Variants in PPP2R5B observed in about 807,000 individuals in gnomAD.
PPP2R5B encodes the protein protein phosphatase 2 regulatory subunit B'beta, also known as serine/threonine-protein phosphatase 2A 56 kDa regulatory subunit beta isoform.
Under a neutral mutation model 59.9 loss-of-function variants are expected in PPP2R5B, and 19 were observed. The ratio of observed to expected loss-of-function variants is 0.32; its 90% CI spans 0.22 to 0.47. The LOEUF is 0.47. Among genes scored for constraint, PPP2R5B ranks in the 20% least tolerant of loss-of-function variants. PPP2R5B has a pLI of 1.00. For missense variants in PPP2R5B, 441 were observed against 640.2 expected, an observed-to-expected ratio of 0.69 and a Z score of 3.36; for synonymous variants, 286 against 260.5, an observed-to-expected ratio of 1.10 and a Z score of -0.94.
At chr11:64,924,032 G>T (rs921148991), upstream of PPP2R5B, among the ~76,000 whole-genome samples, 3 of 152,222 alleles carry the variant, frequency 2.0e-5, no homozygotes, top group Non-Finnish European at 4.4e-5. Flanking sequence ...AGGCCAGGCT[G>T]CCTGGGATGA....
upstream of PPP2R5B, among the ~76,000 whole-genome samples, chr11:64,920,781 C>A (rs920233994): frequency 6.6e-6 from 1 of 151,676 alleles, no homozygotes; most frequent in Admixed American, 6.6e-5. Flanking sequence ...AGGCGTGCAC[C>A]ACCACGCCTG....
chr11:64,922,349 A>G (rs1428209479), upstream of PPP2R5B, among the ~76,000 whole-genome samples: 2 of 151,740 alleles, frequency 1.3e-5, no homozygotes, highest in Non-Finnish European at 2.9e-5. Flanking sequence ...GCCTGGCATG[A>G]TGGCGTGCAT....
rs1208686683 is a variant in PPP2R5B, at chr11:64,928,394, AT to A, written c.692del (p.Ile231ThrfsTer29). The A allele has an allele frequency of 6.2e-7, 1 of 1,614,122 alleles. No homozygotes were observed. Among genetic ancestry groups the A allele is most frequent in the African/African-American group, 1.3e-5 (1 of 74,946 alleles). ...YGKFLGLRAY[I>X]RKQCNHIFLR... ...CAAGTTCCTGGGTCTCCGGGCCTAC[AT>A]CCGCAAACAGTGCAACCACATCTTC... On this transcript the variant is annotated frameshift_variant, in exon 6 of 14. Coordinates refer to ENST00000164133, the MANE Select transcript of PPP2R5B (RefSeq NM_006244.4). LOFTEE classifies it high-confidence loss of function.
chr11:64,925,511 A>T lies in PPP2R5B; in HGVS notation c.-224A>T. ...CCTAACTGGACTCTTCGGGACCCCC[A>T]GGAAGGATCTGAGGCCTGAGCCATC... is the stretch of plus-strand genomic sequence containing the variant. On this transcript the variant is annotated 5_prime_UTR_variant, in exon 2 of 14. Coordinates refer to ENST00000164133, the MANE Select transcript of PPP2R5B (RefSeq NM_006244.4). This position sits in a 1 kb window ranked among gnomAD's most constrained non-coding sequence, Gnocchi z 4.6. The T allele has an allele frequency of 1.9e-6, 1 of 514,658 alleles. No homozygotes were observed. The highest frequency in any genetic ancestry group is 2.4e-5 in the South Asian group (1 of 41,634). 31.9% of individuals were successfully genotyped at this position (514,658 alleles called of 1,614,324 possible). A position where few individuals can be genotyped will look rare whatever the true frequency, so the allele number is the denominator to read the frequency against.
chr11:64,933,913 G>C lies in PPP2R5B; in HGVS notation c.*69G>C, dbSNP rs1945257841. ...CCCTCTATCCCTTCTCCTGTCCAGG[G>C]GCCCAGAGAGAAACACACCTACCCC... On this transcript the variant is annotated 3_prime_UTR_variant, in exon 14 of 14. Transcript: ENST00000164133. 6 of 1,419,568 alleles carry C rather than the reference G, an allele frequency of 4.2e-6. No homozygotes were observed. Among genetic ancestry groups the C allele is most frequent in the Non-Finnish European group, 9.3e-7 (1 of 1,080,218 alleles). 87.9% of individuals were successfully genotyped at this position (1,419,568 alleles called of 1,614,324 possible). A position where few individuals can be genotyped will look rare whatever the true frequency, so the allele number is the denominator to read the frequency against.
intron 13 of PPP2R5B, 22 bp downstream of exon 13, chr11:64,933,268 T>G (rs1161210507): frequency 6.4e-7 from 1 of 1,569,678 alleles, no homozygotes; most frequent in African/African-American, 1.4e-5. Context: ...GGGCTGGGCG[T>G]GGGGGAAGGG....
intron 6 of PPP2R5B, among the ~76,000 whole-genome samples, chr11:64,929,648 C>A (rs1565103274): frequency 6.6e-6 from 1 of 152,184 alleles, no homozygotes; most frequent in Admixed American, 6.5e-5. Context: ...ATCGCTTGAG[C>A]CTGGGAGGTG....
rs377353973 is a variant in PPP2R5B, at chr11:64,931,508, T to C, written c.945+19T>C. ...AGAGCACGTGAGTACCTCTGGGGGC[T>C]AAGGCAGCCTCTCACCTCTGCAGGC... is the stretch of plus-strand genomic sequence containing the variant. On this transcript the variant is annotated intron_variant, in intron 9 of 13. Transcript: ENST00000164133. This position sits in a 1 kb window ranked among gnomAD's most constrained non-coding sequence, Gnocchi z 5.0. The C allele has an allele frequency of 5.6e-5, 91 of 1,613,952 alleles. No homozygotes were observed. The highest frequency in any genetic ancestry group is 7.7e-5 in the Non-Finnish European group (91 of 1,179,972).
intron 11 of PPP2R5B, among the ~76,000 whole-genome samples, chr11:64,932,490 T>G (rs186631960): frequency 6.6e-6 from 1 of 152,190 alleles, no homozygotes; most frequent in Non-Finnish European, 1.5e-5. Flanking sequence ...ATTTTACAGA[T>G]GAGAAAACTG....
chr11:64,933,848 G>C lies in PPP2R5B; in HGVS notation c.*4G>C. On this transcript the variant is annotated 3_prime_UTR_variant, in exon 14 of 14. Transcript: ENST00000164133. ...CGCCAGTGGGGGTCAGAGCTAGACAGCACCTCAGAAGGGGAAAAGCTAAAC... is the reference window on the plus strand; with the variant it reads ...CGCCAGTGGGGGTCAGAGCTAGACACCACCTCAGAAGGGGAAAAGCTAAAC... 6.6e-7 allele frequency: 1 copy of C among 1,525,378 alleles called. No individual in the cohort carries two copies. The highest frequency in any genetic ancestry group is 8.8e-7 in the Non-Finnish European group (1 of 1,136,386). 94.5% of individuals were successfully genotyped at this position (1,525,378 alleles called of 1,614,324 possible).
intron 5 of PPP2R5B, 44 bp from the exon 6 acceptor site, chr11:64,928,251 C>G: frequency 6.2e-7 from 1 of 1,612,036 alleles, no homozygotes; most frequent in Non-Finnish European, 8.5e-7. Flanking sequence ...TGGGGTGGAC[C>G]TTTCCCCTGA....
At chr11:64,921,166 G>A (rs1945107116), upstream of PPP2R5B, among the ~76,000 whole-genome samples, 1 of 151,486 alleles carries the variant, frequency 6.6e-6, no homozygotes, top group Non-Finnish European at 1.5e-5. Flanking sequence ...ATGTGGCCCA[G>A]GCTGGTCTTG....
At chr11:64,923,684 A>G (rs980761372), upstream of PPP2R5B, among the ~76,000 whole-genome samples, 1 of 152,184 alleles carries the variant, frequency 6.6e-6, no homozygotes, top group Non-Finnish European at 1.5e-5. Flanking sequence ...AAGATGGGGC[A>G]GACTCTGAAA....
upstream of PPP2R5B, among the ~76,000 whole-genome samples, chr11:64,919,885 C>T (rs915355553): frequency 2.6e-5 from 4 of 152,070 alleles, no homozygotes; most frequent in African/African-American, 9.7e-5. Context: ...GGAGAGGAGA[C>T]CAAGGCTACG....
chr11:64,930,589 G>A lies in PPP2R5B; in HGVS notation c.891G>A (p.Gln297=). ...SVKSLSVFHA[Q]LAYCVVQFLE... ...AGTCGCTGTCTGTCTTCCATGCCCA[G>A]GTGAGGCCCAGGCCTGTCCCTGCTG... The change falls in exon 8 of 14, where the codon CAG becomes CAA. Residue 297 remains glutamine (Q), a splice_region_variant and synonymous_variant. Coordinates refer to ENST00000164133, the MANE Select transcript of PPP2R5B (RefSeq NM_006244.4). 1 of 1,613,166 alleles carries A rather than the reference G, an allele frequency of 6.2e-7. No homozygotes were observed.
chr11:64,928,494 A>G, intron 6 of PPP2R5B, 69 bp downstream of exon 6: 1 of 1,605,212 alleles, frequency 6.2e-7, no homozygotes, highest in Non-Finnish European at 8.5e-7. Context: ...ACTGCGGCAA[A>G]GGCCATGTGC....
intron 7 of PPP2R5B, 46 bp downstream of exon 7, chr11:64,930,427 G>C: frequency 6.2e-7 from 1 of 1,613,822 alleles, no homozygotes; most frequent in Non-Finnish European, 8.5e-7. Context: ...TCTGGAAGGA[G>C]GGACTGGGGC....
At chr11:64,918,974 A>T (rs1320154123) in intron 1 of PPP2R5B, among the ~76,000 whole-genome samples, 1 of 152,164 alleles carries the variant, frequency 6.6e-6, no homozygotes, top group African/African-American at 2.4e-5. Flanking sequence ...TTGGGTTAGT[A>T]AGTGGAGATA....
At position 64,933,771 on chromosome 11, in the gene PPP2R5B, G is replaced by T; in HGVS notation, c.1421G>T (p.Gly474Val). 1 of 1,554,930 alleles carries T rather than the reference G, an allele frequency of 6.4e-7. No individual in the cohort carries two copies. Among genetic ancestry groups the T allele is most frequent in the South Asian group, 1.2e-5 (1 of 84,310 alleles). ...LEELRLRRLQ[G>V]TQGAKEAPLQ... Reference sequence around the variant, plus strand: ...GAGCTGCGGCTACGCCGGCTACAGGGGACCCAGGGGGCCAAGGAGGCCCCC... The same window carrying T: ...GAGCTGCGGCTACGCCGGCTACAGGTGACCCAGGGGGCCAAGGAGGCCCCC... The change falls in exon 14 of 14, where the codon GGG becomes GTG. Residue 474 changes from glycine to valine, a missense_variant. Physicochemically the swap from Gly to Val is moderately radical, Grantham distance 109 (BLOSUM62 -3). Coordinates refer to ENST00000164133, the MANE Select transcript of PPP2R5B (RefSeq NM_006244.4).
Sources: allele counts gnomAD v4.1 joint callset (sites outside exome capture counted in the v4.1 genomes callset), GRCh38; gene constraint gnomAD v4.1.1; non-coding constraint Gnocchi (gnomAD v3.1); transcripts MANE v1.5; gene names NCBI Gene and HGNC (gene_info 2026-07-23, HGNC 2026-07-21).